Variants in REPS2 observed in about 807,000 individuals in gnomAD.
REPS2 encodes ralBP1-associated Eps domain-containing protein 2.
In REPS2, 23 loss-of-function variants were observed where a neutral mutation model predicts 53.6. That is an observed-to-expected ratio of 0.43 (90% CI 0.31 to 0.61). The LOEUF is 0.61. REPS2 is among the 20% of genes least tolerant of loss of function. The pLI is 0.11. For missense variants in REPS2, 446 were observed against 534.9 expected (o/e 0.83, Z 1.64); for synonymous variants, 238 against 218.6 (o/e 1.09, Z -0.78).
chrX:17,050,141 CCTTTCTTT>C (rs774556038), intron 6 of REPS2, among the ~76,000 whole-genome samples: 305 of 20,388 alleles, frequency 0.015, 7 homozygotes, highest in East Asian at 0.067. Context: ...TTCCTTTCTT[CCTTTCTTT>C]CTTTCTTTCT....
At chrX:16,972,014 C>G (rs1268502131) in intron 1 of REPS2, among the ~76,000 whole-genome samples, 1 of 111,748 alleles carries the variant, frequency 8.9e-6, no homozygotes, top group African/African-American at 3.3e-5. Flanking sequence ...ATATTGGAGA[C>G]TAAAGTGGGG....
chrX:16,953,757 G>A (rs774145917), intron 1 of REPS2, among the ~76,000 whole-genome samples: 1 of 111,139 alleles, frequency 9.0e-6, no homozygotes, highest in African/African-American at 3.3e-5. Context: ...TTACAGTGCG[G>A]TAGAGACCCT....
chrX:16,960,234 G>A (rs745939951), intron 1 of REPS2, among the ~76,000 whole-genome samples: 1 of 110,807 alleles, frequency 9.0e-6, no homozygotes, highest in East Asian at 2.8e-4. Flanking sequence ...GGGCATAGTG[G>A]CATGTACCTC....
At chrX:16,980,722 T>C (rs761110915) in intron 1 of REPS2, among the ~76,000 whole-genome samples, 1 of 112,648 alleles carries the variant, frequency 8.9e-6, no homozygotes, top group East Asian at 2.8e-4. Context: ...TGTAATCATA[T>C]ATTTTATTTT....
At chrX:17,051,639 T>G (rs747231626) in intron 6 of REPS2, among the ~76,000 whole-genome samples, 14 of 112,607 alleles carry the variant, frequency 1.2e-4, no homozygotes, top group South Asian at 7.3e-4. Context: ...AGAATAATGC[T>G]GATTTGAATA....
At chrX:17,044,216 G>T (rs1017287254) in intron 5 of REPS2, among the ~76,000 whole-genome samples, 13 of 111,409 alleles carry the variant, frequency 1.2e-4, no homozygotes, top group African/African-American at 4.3e-4. Context: ...TGGCATTGAG[G>T]AAAGAGCACA....
At chrX:17,132,148 A>G (rs1681225915) in intron 14 of REPS2, among the ~76,000 whole-genome samples, 1 of 112,175 alleles carries the variant, frequency 8.9e-6, no homozygotes. Context: ...GTGCTGTTTA[A>G]CAACTTTTCA....
At chrX:17,007,134 C>A (rs1470865394) in intron 2 of REPS2, among the ~76,000 whole-genome samples, 4 of 112,103 alleles carry the variant, frequency 3.6e-5, no homozygotes, top group Admixed American at 2.8e-4. Context: ...AACCTCTTAA[C>A]TGCTCATGCC....
chrX:17,086,544 A>G (rs886174703), intron 13 of REPS2, among the ~76,000 whole-genome samples: 7 of 112,263 alleles, frequency 6.2e-5, no homozygotes, highest in African/African-American at 1.9e-4. Context: ...CTGAATGTGG[A>G]GTTTGGAACA....
chrX:17,022,228 CA>C lies in REPS2; in HGVS notation c.504del (p.Glu169LysfsTer40), dbSNP rs1375639937. ...GTKVQIPYLT[T>X]EKNSFKRMDD... Reference sequence around the variant, plus strand: ...AAGGTTCAGATTCCATATTTAACTACAGAAAAAAATTCCTTCAAAAGAATGG... The same window carrying C: ...AAGGTTCAGATTCCATATTTAACTACGAAAAAAATTCCTTCAAAAGAATGG... On this transcript the variant is annotated frameshift_variant, in exon 3 of 18. Coordinates refer to ENST00000357277, the MANE Select transcript of REPS2 (RefSeq NM_004726.3). LOFTEE classifies it high-confidence loss of function. 1 of 1,209,271 alleles carries C rather than the reference CA, an allele frequency of 8.3e-7. No individual in the cohort carries two copies. The highest frequency in any genetic ancestry group is 1.8e-5 in the South Asian group (1 of 56,835).
At chrX:17,043,613 A>G (rs1208740630) in intron 5 of REPS2, among the ~76,000 whole-genome samples, 7 of 110,170 alleles carry the variant, frequency 6.4e-5, no homozygotes, top group Non-Finnish European at 1.3e-4. Flanking sequence ...TCTCTATACT[A>G]CAGCCCCACT....
intron 6 of REPS2, among the ~76,000 whole-genome samples, chrX:17,050,195 T>TCTCTCTCTCTCTCTCTCTC (rs2061976269): frequency 1.8e-5 from 1 of 55,195 alleles, no homozygotes; most frequent in African/African-American, 1.1e-4. Flanking sequence ...TCTTTCTTTC[T>TCTCTCTCTCTCTCTCTCTC]TTTTTTTTTT....
chrX:16,976,883 G>T (rs189891252), intron 1 of REPS2, among the ~76,000 whole-genome samples: 8 of 111,587 alleles, frequency 7.2e-5, no homozygotes, highest in African/African-American at 2.6e-4. Context: ...TATGGTGTTG[G>T]GTATCTCTTT....
rs969567170 is a variant in REPS2 at position 17,134,095 on chromosome X, T to G, written c.1662+188T>G. ...GAAGATTCCTGGGCTTGACCCTTGA[T>G]GCATTTTGTACATGACAGTACATAC... On this transcript the variant is annotated intron_variant, in intron 15 of 17. Coordinates refer to ENST00000357277, the MANE Select transcript of REPS2 (RefSeq NM_004726.3). Among the ~76,000 whole-genome samples, 5 of 111,836 alleles carry G rather than the reference T, an allele frequency of 4.5e-5. No homozygotes were observed. The Admixed American group carries it at 4.7e-4, about 11-fold the overall frequency.
chrX:17,126,192 C>T (rs905551335), intron 14 of REPS2, among the ~76,000 whole-genome samples: 1 of 111,881 alleles, frequency 8.9e-6, no homozygotes, highest in African/African-American at 3.3e-5. Context: ...GCAGCAGCAA[C>T]AGCTGCTACC....
downstream of REPS2, chrX:17,153,324 C>T (rs1258631387): frequency 2.7e-5 from 3 of 112,012 alleles, no homozygotes; most frequent in East Asian, 8.4e-4. Flanking sequence ...TGCATTTGTT[C>T]TCATGTATTT....
chrX:17,093,901 T>C (rs915395174), intron 13 of REPS2, among the ~76,000 whole-genome samples: 3 of 111,857 alleles, frequency 2.7e-5, no homozygotes, highest in Non-Finnish European at 5.6e-5. Context: ...GTTCCTCTTA[T>C]GAAATTCTCA....
At chrX:17,027,311 C>G (rs900325304) in intron 4 of REPS2, among the ~76,000 whole-genome samples, 11 of 112,430 alleles carry the variant, frequency 9.8e-5, no homozygotes, top group African/African-American at 3.6e-4. Flanking sequence ...GAATGACTGA[C>G]TGTACTCATA....
chrX:17,120,057 A>T lies in REPS2; in HGVS notation c.1579-13767A>T, dbSNP rs181190147. On this transcript the variant is annotated intron_variant, in intron 14 of 17. Coordinates refer to ENST00000357277, the MANE Select transcript of REPS2 (RefSeq NM_004726.3). ...ACGTCCGGCTAATTTTTGTATTTTT[A>T]GTAGAGATAGGGTTTCACCATGTTG... 5.4e-3 allele frequency among the ~76,000 whole-genome samples: 597 copies of T among 109,890 alleles called. 2 individuals are homozygous for T. The highest frequency in any genetic ancestry group is 8.8e-3 in the Non-Finnish European group (463 of 52,658).
Sources: gnomAD v4.1 joint callset for allele counts (sites outside exome capture counted in the v4.1 genomes callset) on GRCh38, gnomAD v4.1.1 for gene constraint, MANE v1.5 for transcripts, NCBI Gene and HGNC (gene_info 2026-07-23, HGNC 2026-07-21) for gene names.